FGF12: variants seen among roughly 807,000 people sequenced by gnomAD.
The protein encoded by FGF12 is fibroblast growth factor 12B.
Under a neutral mutation model 23.6 loss-of-function variants are expected in FGF12, and 14 were observed. The observed-to-expected ratio is 0.59, with a 90% confidence interval of 0.39 to 0.93. The LOEUF (loss-of-function observed/expected upper bound fraction) is 0.93. FGF12 is among the 40% of genes least tolerant of loss of function. FGF12 has a pLI of 0.00. For synonymous variants in FGF12, 62 were observed against 77.3 expected, an observed-to-expected ratio of 0.80 and a Z score of 1.04; for missense variants, 175 against 217.8, an observed-to-expected ratio of 0.80 and a Z score of 1.24.
intron 2 of FGF12, among the ~76,000 whole-genome samples, chr3:192,362,449 C>T (rs1451091172): frequency 1.3e-5 from 2 of 151,758 alleles, no homozygotes; most frequent in African/African-American, 4.8e-5. Context: ...CAAATGTTCT[C>T]ATTGTTCAAT....
chr3:192,701,688 A>G (rs1266504972), intron 2 of FGF12, among the ~76,000 whole-genome samples: 1 of 152,164 alleles, frequency 6.6e-6, no homozygotes, highest in Non-Finnish European at 1.5e-5. Context: ...TGAGCAAGAC[A>G]CATCTTTTAT....
intron 2 of FGF12, among the ~76,000 whole-genome samples, chr3:192,396,346 G>C (rs931521678): frequency 1.4e-4 from 21 of 152,250 alleles, no homozygotes; most frequent in African/African-American, 5.1e-4. Context: ...TGGGTGTCTA[G>C]CAATATAACT....
intron 2 of FGF12, among the ~76,000 whole-genome samples, chr3:192,675,977 T>A (rs1488477918): frequency 6.6e-6 from 1 of 151,996 alleles, no homozygotes; most frequent in African/African-American, 2.4e-5. Context: ...CTCACTCAGG[T>A]TGACATATCC....
intron 2 of FGF12, among the ~76,000 whole-genome samples, chr3:192,693,612 T>C (rs1222961897): frequency 1.3e-5 from 2 of 152,096 alleles, no homozygotes; most frequent in South Asian, 2.1e-4. Context: ...CAGGCATATA[T>C]AGTCAACTAA....
At chr3:192,490,129 T>A (rs1560127210) in intron 2 of FGF12, among the ~76,000 whole-genome samples, 1 of 152,078 alleles carries the variant, frequency 6.6e-6, no homozygotes, top group Non-Finnish European at 1.5e-5. Flanking sequence ...ATACAGTGGT[T>A]TTTTTAGTAG....
intron 2 of FGF12, among the ~76,000 whole-genome samples, chr3:192,609,304 G>A (rs1047394839): frequency 6.6e-6 from 1 of 152,028 alleles, no homozygotes; most frequent in African/African-American, 2.4e-5. Flanking sequence ...ATCATAAACG[G>A]GGGGTGAAGC....
chr3:192,257,864 T>C (rs1712499172), intron 4 of FGF12, among the ~76,000 whole-genome samples: 1 of 152,072 alleles, frequency 6.6e-6, no homozygotes, highest in Non-Finnish European at 1.5e-5. Flanking sequence ...TATTCTATTT[T>C]TGAACTTCGG....
chr3:192,693,672 A>T (rs921653888), intron 2 of FGF12, among the ~76,000 whole-genome samples: 2 of 152,180 alleles, frequency 1.3e-5, no homozygotes, highest in Non-Finnish European at 2.9e-5. Flanking sequence ...TCTCTTCAAT[A>T]AATGATGTTG....
intron 2 of FGF12, 124 bp downstream of exon 2, chr3:192,727,057 G>T: frequency 8.3e-7 from 1 of 1,211,744 alleles, no homozygotes; most frequent in Non-Finnish European, 1.2e-6. Context: ...AATGGACATA[G>T]CATCTCCTCC....
At chr3:192,169,639 T>C (rs1237182280) in intron 5 of FGF12, among the ~76,000 whole-genome samples, 1 of 152,080 alleles carries the variant, frequency 6.6e-6, no homozygotes, top group Non-Finnish European at 1.5e-5. Flanking sequence ...AATTTTCTCA[T>C]TTCCTCAGAC....
At chr3:192,474,105 T>A (rs1404125228) in intron 2 of FGF12, among the ~76,000 whole-genome samples, 1 of 152,232 alleles carries the variant, frequency 6.6e-6, no homozygotes, top group Non-Finnish European at 1.5e-5. Flanking sequence ...TTATTTTAAT[T>A]TAAGGATAAG....
Position 192,507,193 on chromosome 3 carries a change from T to C in FGF12, c.14-146655A>G, listed in dbSNP as rs1181219808. 3.9e-5 allele frequency among the ~76,000 whole-genome samples: 6 copies of C among 152,150 alleles called. 1 individual carries two copies. The East Asian group carries it at 1.2e-3, about 29-fold the overall frequency. On this transcript the variant is annotated intron_variant, in intron 2 of 5. Coordinates refer to ENST00000445105, the MANE Select transcript of FGF12 (RefSeq NM_004113.6). Reference sequence around the variant, plus strand: ...AGGCGTGAGCCACTGTGCCCGGCCATGAACTCAGTTTTTACAGCTTTTAAG... The same window carrying C: ...AGGCGTGAGCCACTGTGCCCGGCCACGAACTCAGTTTTTACAGCTTTTAAG...
rs141808432 is a variant in FGF12 at position 192,389,340 on chromosome 3, C to G, written c.14-28802G>C. On this transcript the variant is annotated intron_variant, in intron 2 of 5. Transcript: ENST00000445105. ...ATGGCACCACCACACTCCAGCCTGG[C>G]TACAGAGTGAGACTCCATCTCAAAC... Among the ~76,000 whole-genome samples the G allele has an allele frequency of 1.3e-3, 196 of 152,272 alleles. 4 individuals carry two copies. The East Asian group carries it at 0.028, about 21-fold the overall frequency.
intron 2 of FGF12, among the ~76,000 whole-genome samples, chr3:192,539,033 T>A (rs1351043454): frequency 6.6e-6 from 1 of 152,192 alleles, no homozygotes; most frequent in Non-Finnish European, 1.5e-5. Flanking sequence ...ATTTGAATAA[T>A]TTTGGGTGCA....
chr3:192,566,166 A>G (rs146515805), intron 2 of FGF12, among the ~76,000 whole-genome samples: 104 of 152,364 alleles, frequency 6.8e-4, no homozygotes, highest in African/African-American at 2.3e-3. Flanking sequence ...AAACTGAAAT[A>G]AAGAGCATTT....
chr3:192,385,017 T>C (rs185071806), intron 2 of FGF12, among the ~76,000 whole-genome samples: 4 of 152,252 alleles, frequency 2.6e-5, no homozygotes, highest in South Asian at 2.1e-4. Context: ...TACAGATATA[T>C]AGATAGATTT....
intron 2 of FGF12, among the ~76,000 whole-genome samples, chr3:192,612,896 G>A (rs1278692333): frequency 6.6e-6 from 1 of 151,784 alleles, no homozygotes; most frequent in East Asian, 1.9e-4. Context: ...GATTTAAATT[G>A]GCATAACTCT....
At chr3:192,630,810 G>A (rs7623665) in intron 2 of FGF12, among the ~76,000 whole-genome samples, 8,244 of 150,676 alleles carry the variant, frequency 0.055, 439 homozygotes, top group East Asian at 0.12. Context: ...TGCCCGCCTC[G>A]ACCTCCCAAA....
In FGF12 at chr3:192,360,370, A is replaced by G; in HGVS notation, c.124+58T>C. Reference sequence around the variant, plus strand: ...AGCTTAGCAATGCTTTAAGTATAAGATACACTGGGCCCTACATTTGATTTG... The same window carrying G: ...AGCTTAGCAATGCTTTAAGTATAAGGTACACTGGGCCCTACATTTGATTTG... On this transcript the variant is annotated intron_variant, in intron 3 of 5. Transcript: ENST00000445105. This position sits in a 1 kb window ranked among gnomAD's most constrained non-coding sequence, Gnocchi z 4.3. 1 of 1,207,586 alleles carries G rather than the reference A, an allele frequency of 8.3e-7. No individual in the cohort carries two copies. The highest frequency in any genetic ancestry group is 1.2e-6 in the Non-Finnish European group (1 of 811,178). 74.8% of individuals were successfully genotyped at this position (1,207,586 alleles called of 1,614,324 possible).
Sources: allele counts gnomAD v4.1 joint callset (sites outside exome capture counted in the v4.1 genomes callset), GRCh38; gene constraint gnomAD v4.1.1; non-coding constraint Gnocchi (gnomAD v3.1); transcripts MANE v1.5; gene names NCBI Gene and HGNC (gene_info 2026-07-23, HGNC 2026-07-21).